The following DPP4 variants were observed in gnomAD, a reference collection of about 807,000 sequenced individuals.
The protein encoded by DPP4 is ADCP-2.
In DPP4, 93 loss-of-function variants were observed where a neutral mutation model predicts 122.4. That is an observed-to-expected ratio of 0.76 (90% CI 0.64 to 0.90). The LOEUF is 0.90. DPP4 is among the 40% of genes least tolerant of loss of function. The pLI, the probability that DPP4 is intolerant of heterozygous loss-of-function variation, is 0.00. For missense variants in DPP4, 914 were observed against 907.3 expected, an observed-to-expected ratio of 1.01 and a Z score of -0.09; for synonymous variants, 321 against 302.9, an observed-to-expected ratio of 1.06 and a Z score of -0.62.
At position 162,038,441 on chromosome 2, in the gene DPP4, A is replaced by G. The variant is rs753803267; in HGVS notation, c.493-19T>C. On this transcript the variant is annotated intron_variant, in intron 7 of 25. Coordinates refer to ENST00000360534, the MANE Select transcript of DPP4 (RefSeq NM_001935.4). ...CATATGCCTAGAAGGAAAAAAAACAAGCATTGATATCTATAATACATGTCA... is the reference window on the plus strand; with the variant it reads ...CATATGCCTAGAAGGAAAAAAAACAGGCATTGATATCTATAATACATGTCA... The G allele has an allele frequency of 1.1e-5, 17 of 1,591,174 alleles. No homozygotes were observed. The highest frequency in any genetic ancestry group is 1.4e-5 in the Non-Finnish European group (16 of 1,170,624).
At chr2:162,012,232 T>C (rs1304286165) in intron 19 of DPP4, among the ~76,000 whole-genome samples, 4 of 152,094 alleles carry the variant, frequency 2.6e-5, no homozygotes, top group Non-Finnish European at 5.9e-5. Flanking sequence ...ACAGACTTCA[T>C]AGGCCAAGAT....
intron 23 of DPP4, 178 bp downstream of exon 23, chr2:162,005,567 T>A: frequency 1.8e-6 from 1 of 551,712 alleles, no homozygotes; most frequent in Non-Finnish European, 3.2e-6. Flanking sequence ...AAGACTGTAA[T>A]TATGCAGAAT....
At position 162,011,809 on chromosome 2, in the gene DPP4, G is replaced by T. The variant is rs774794283; in HGVS notation, c.1816C>A (p.Gln606Lys). The T allele has an allele frequency of 1.2e-6, 2 of 1,613,392 alleles. No homozygotes were observed. The highest frequency in any genetic ancestry group is 1.7e-6 in the Non-Finnish European group (2 of 1,179,564). The stretch of plus-strand genomic sequence containing the variant: ...GTCACTCACCTGGCTGCTTCAATTT[G>T]ATCTTCAACTTCAAATGTTCCCAGT... ...RRLGTFEVED[Q>K]IEAARQFSKM... Residue 606 changes from glutamine to lysine, a missense_variant, in exon 20 of 26, where the codon CAA becomes AAA. By Grantham distance (53) the Gln-to-Lys change is moderately conservative (BLOSUM62 1). Coordinates refer to ENST00000360534, the MANE Select transcript of DPP4 (RefSeq NM_001935.4).
chr2:162,002,833 C>A (rs1263015385), intron 23 of DPP4, among the ~76,000 whole-genome samples: 1 of 152,086 alleles, frequency 6.6e-6, no homozygotes, highest in East Asian at 1.9e-4. Context: ...ATTTAAAAAA[C>A]AAAGGAGGGC....
chr2:161,996,309 T>C (rs982863620), intron 23 of DPP4, among the ~76,000 whole-genome samples: 1 of 152,156 alleles, frequency 6.6e-6, no homozygotes, highest in Non-Finnish European at 1.5e-5. Flanking sequence ...GATGGTCCTG[T>C]TATGTGTTGG....
chr2:162,016,699 T>C, intron 18 of DPP4, 69 bp downstream of exon 18: 1 of 971,118 alleles, frequency 1.0e-6, no homozygotes, highest in South Asian at 2.1e-5. Context: ...TATTTTCAGA[T>C]CGAATTACTA....
rs200298322 is a variant in DPP4 at position 162,009,252 on chromosome 2, T to C, written c.1876A>G (p.Ile626Val). ...AGTCAACTACTCACCCAGCCCCAAATTGCAATTCGTTTGTTGTCCACAAAT... is the reference window on the plus strand; with the variant it reads ...AGTCAACTACTCACCCAGCCCCAAACTGCAATTCGTTTGTTGTCCACAAAT... Reference protein sequence around the residue: ...MGFVDNKRIAIWGWSYGGYVT... With the variant: ...MGFVDNKRIAVWGWSYGGYVT... Residue 626 changes from isoleucine to valine, a missense_variant, in exon 21 of 26, where the codon ATT becomes GTT. Physicochemically the swap from Ile to Val is conservative, Grantham distance 29 (BLOSUM62 3). Transcript: ENST00000360534. 3.3e-5 allele frequency: 53 copies of C among 1,613,608 alleles called. No homozygotes were observed. The highest frequency in any genetic ancestry group is 4.4e-5 in the Non-Finnish European group (52 of 1,179,754).
intron 19 of DPP4, among the ~76,000 whole-genome samples, chr2:162,012,637 C>T (rs1052594966): frequency 4.6e-5 from 7 of 152,068 alleles, no homozygotes; most frequent in African/African-American, 1.4e-4. Flanking sequence ...TCTTCACAGG[C>T]TACCATCTAC....
intron 23 of DPP4, among the ~76,000 whole-genome samples, chr2:162,004,598 C>G (rs144799406): frequency 2.3e-3 from 351 of 151,950 alleles, no homozygotes; most frequent in African/African-American, 7.6e-3. Context: ...CACACACACA[C>G]ACACGCACAC....
intron 2 of DPP4, among the ~76,000 whole-genome samples, chr2:162,055,624 A>G (rs904361055): frequency 2.6e-5 from 4 of 151,530 alleles, no homozygotes; most frequent in Admixed American, 1.3e-4. Flanking sequence ...GTGAGCCGAG[A>G]CTGTGCCACT....
At chr2:162,011,210 A>T (rs1682697407) in intron 20 of DPP4, among the ~76,000 whole-genome samples, 2 of 152,148 alleles carry the variant, frequency 1.3e-5, no homozygotes, top group East Asian at 1.9e-4. Flanking sequence ...ACATCTAGTT[A>T]TAGTCCCATA....
intron 5 of DPP4, 63 bp downstream of exon 5, chr2:162,045,469 C>T (rs767564198): frequency 3.3e-6 from 4 of 1,228,650 alleles, no homozygotes; most frequent in South Asian, 1.2e-5. Context: ...CACTTGAAAT[C>T]GGTTATAACA....
chr2:162,010,529 T>C (rs1373790444), intron 20 of DPP4, among the ~76,000 whole-genome samples: 1 of 152,204 alleles, frequency 6.6e-6, no homozygotes, highest in Non-Finnish European at 1.5e-5. Context: ...AAACGCACTA[T>C]TTCTCAATAC....
At chr2:162,006,717 T>C (rs914499098) in intron 22 of DPP4, among the ~76,000 whole-genome samples, 4 of 152,142 alleles carry the variant, frequency 2.6e-5, no homozygotes, top group Non-Finnish European at 5.9e-5. Flanking sequence ...TGGCCTAAAA[T>C]ATCAGTAAAA....
At chr2:162,020,160 T>C in intron 14 of DPP4, 69 bp downstream of exon 14, 1 of 1,358,788 alleles carries the variant, frequency 7.4e-7, no homozygotes, top group Non-Finnish European at 1.0e-6. Flanking sequence ...ATTTTTTCCC[T>C]ACTTCTGGGC....
At chr2:161,994,932 C>T (rs1256591759) in intron 25 of DPP4, 29 bp downstream of exon 25, 14 of 1,606,400 alleles carry the variant, frequency 8.7e-6, no homozygotes, top group African/African-American at 1.3e-5. Context: ...CCAGCAACTT[C>T]CCTCCCCTTG....
chr2:162,029,584 A>G (rs1459021156), intron 10 of DPP4, among the ~76,000 whole-genome samples: 1 of 152,210 alleles, frequency 6.6e-6, no homozygotes, highest in East Asian at 1.9e-4. Context: ...GTTTATTTAT[A>G]TCCTGTGTGA....
intron 2 of DPP4, among the ~76,000 whole-genome samples, chr2:162,054,742 T>C (rs72868675): frequency 0.077 from 11,658 of 152,264 alleles, 579 homozygotes; most frequent in Middle Eastern, 0.17. Context: ...ATCTCCAGAA[T>C]TGTGAGAAAA....
rs549027321 is a variant in DPP4, at chr2:162,042,390, CCACT to C, written c.366+3138_366+3141del. ...CATACCAGACTGTGGGGGTACTTAT[CCACT>C]CACTCACTCACTTGCTCATTTATTT... On this transcript the variant is annotated intron_variant, in intron 5 of 25. Coordinates refer to ENST00000360534, the MANE Select transcript of DPP4 (RefSeq NM_001935.4). 8.5e-5 allele frequency among the ~76,000 whole-genome samples: 13 copies of C among 152,230 alleles called. No homozygotes were observed. The South Asian group carries it at 1.0e-3, about 12-fold the overall frequency.
Sources: gnomAD v4.1 joint callset for allele counts (sites outside exome capture counted in the v4.1 genomes callset) on GRCh38, gnomAD v4.1.1 for gene constraint, MANE v1.5 for transcripts, NCBI Gene and HGNC (gene_info 2026-07-23, HGNC 2026-07-21) for gene names.